The following MMP3 variants were observed in gnomAD, a reference collection of about 807,000 sequenced individuals.
The protein encoded by MMP3 is stromelysin-1.
MMP3 carries 46 observed loss-of-function variants against 47.3 expected under a neutral mutation model. The ratio of observed to expected loss-of-function variants is 0.97; its 90% CI spans 0.77 to 1.24. MMP3 has a LOEUF of 1.24. MMP3 is among the 50% of genes most tolerant of loss of function. The pLI is 0.00. For missense variants in MMP3, 558 were observed against 565.5 expected, an observed-to-expected ratio of 0.99 and a Z score of 0.13; for synonymous variants, 216 against 206.5, an observed-to-expected ratio of 1.05 and a Z score of -0.39.
In MMP3 at chr11:102,836,116, C is replaced by T. The variant is rs782693851; in HGVS notation, c.*10G>A. ...TAAAGTGCCCATATTGTGCCTTCTA[C>T]ATATCTCTTTCAACAATTAAGCCAG... is the stretch of plus-strand genomic sequence containing the variant. On this transcript the variant is annotated 3_prime_UTR_variant, in exon 10 of 10. Coordinates refer to ENST00000299855, the MANE Select transcript of MMP3 (RefSeq NM_002422.5). This position sits in a 1 kb window ranked among gnomAD's most constrained non-coding sequence, Gnocchi z 4.6. 1.2e-6 allele frequency: 2 copies of T among 1,602,706 alleles called. No homozygotes were observed. The highest frequency in any genetic ancestry group is 1.3e-5 in the African/African-American group (1 of 74,646).
Position 102,836,717 on chromosome 11 carries a change from A to G in MMP3, c.1334-491T>C. 1 of 338,808 alleles carries G rather than the reference A, an allele frequency of 3.0e-6. No individual in the cohort carries two copies. The allele number at this position is 338,808 out of a possible 1,614,324, so 21.0% of individuals were successfully genotyped here. A position where few individuals can be genotyped will look rare whatever the true frequency, so the allele number is the denominator to read the frequency against. Reference sequence around the variant, plus strand: ...ACCAGGGGACCCTTTAGTGCTCTGCAAACATGGTGATCAGGTTACCTTTCA... The same window carrying G: ...ACCAGGGGACCCTTTAGTGCTCTGCGAACATGGTGATCAGGTTACCTTTCA... On this transcript the variant is annotated intron_variant, in intron 9 of 9. Coordinates refer to ENST00000299855, the MANE Select transcript of MMP3 (RefSeq NM_002422.5). The surrounding 1 kb of genome is among the most constrained non-coding windows in gnomAD (Gnocchi z 4.6).
At chr11:102,839,357 G>A (rs1555005095) in intron 6 of MMP3, 114 bp from the exon 7 acceptor site, 1 of 1,225,306 alleles carries the variant, frequency 8.2e-7, no homozygotes, top group Non-Finnish European at 1.2e-6. Flanking sequence ...TTCTAGGCTG[G>A]ATGACAGATA....
chr11:102,843,452 T>G lies in MMP3; in HGVS notation c.95A>C (p.Asn32Thr), dbSNP rs1859047029. The change falls in exon 1 of 10, where the codon AAC becomes ACC. Residue 32 changes from asparagine (N) to threonine (T), a missense_variant. Physicochemically the swap from Asn to Thr is moderately conservative, Grantham distance 65. Coordinates refer to ENST00000299855, the MANE Select transcript of MMP3 (RefSeq NM_002422.5). The part of the protein sequence containing the change: ...GAARGEDTSM[N>T]LVQKYLENYY... ...GTTAGTGTTAATTACCTGAACAAGG[T>G]TCATGCTGGTGTCCTCACCCCTTGC... The G allele has an allele frequency of 6.2e-7, 1 of 1,613,014 alleles. No individual in the cohort carries two copies. The highest frequency in any genetic ancestry group is 1.1e-5 in the South Asian group (1 of 90,896).
chr11:102,838,679 C>G lies in MMP3; in HGVS notation c.1101G>C (p.Glu367Asp). The G allele has an allele frequency of 6.2e-7, 1 of 1,613,692 alleles. No homozygotes were observed. ...TGCCTCTTGGGTATCCAGCTCGTAC[C>G]TCATTTCCTCTGATAGCCCAGAATT... is the stretch of plus-strand genomic sequence containing the variant. The part of the protein sequence containing the change: ...GNQFWAIRGN[E>D]VRAGYPRGIH... The change falls in exon 8 of 10, where the codon GAG (glutamate) becomes GAC (aspartate). Residue 367 changes from glutamate to aspartate, a missense_variant. Transcript: ENST00000299855.
At position 102,837,212 on chromosome 11, in the gene MMP3, A is replaced by T; in HGVS notation, c.1333+86T>A. On this transcript the variant is annotated intron_variant, in intron 9 of 9. Coordinates refer to ENST00000299855, the MANE Select transcript of MMP3 (RefSeq NM_002422.5). This position sits in a 1 kb window ranked among gnomAD's most constrained non-coding sequence, Gnocchi z 4.4. ...GAACTGGCCCTAAGAAACACTTGTT[A>T]TTAAAAAGTTTCAATGCTCCTCTTC... 9.7e-7 allele frequency: 1 copy of T among 1,030,334 alleles called. No individual in the cohort carries two copies. The highest frequency in any genetic ancestry group is 1.5e-6 in the Non-Finnish European group (1 of 674,630). 63.8% of individuals were successfully genotyped at this position (1,030,334 alleles called of 1,614,324 possible).
chr11:102,837,510 C>T lies in MMP3; in HGVS notation c.1230-109G>A. 1.3e-6 allele frequency: 1 copy of T among 743,088 alleles called. No individual in the cohort carries two copies. The allele number at this position is 743,088 out of a possible 1,614,324, so 46.0% of individuals were successfully genotyped here. On this transcript the variant is annotated intron_variant, in intron 8 of 9. Coordinates refer to ENST00000299855, the MANE Select transcript of MMP3 (RefSeq NM_002422.5). The surrounding 1 kb of genome is among the most constrained non-coding windows in gnomAD (Gnocchi z 4.4). ...ATTTTACTAAACTTTATAAATACTG[C>T]AAATAAATGCCAAGCATATTTGGGA...
Position 102,838,862 on chromosome 11 carries a change from A to T in MMP3, c.1070-152T>A, listed in dbSNP as rs3025071. The T allele has an allele frequency of 6.5e-3, 6,744 of 1,035,538 alleles. 333 individuals carry two copies. The African/African-American group carries it at 0.098, about 15-fold the overall frequency. The allele number at this position is 1,035,538 out of a possible 1,614,324, so 64.1% of individuals were successfully genotyped here. ...CAGCTTACAGTGGGCTTTTCACAAAAATTTGCAGACTGAATGAATGAACTA... is the reference window on the plus strand; with the variant it reads ...CAGCTTACAGTGGGCTTTTCACAAATATTTGCAGACTGAATGAATGAACTA... On this transcript the variant is annotated intron_variant, in intron 7 of 9. Transcript: ENST00000299855.
At chr11:102,843,112 A>T (rs1555005884) in intron 1 of MMP3, among the ~76,000 whole-genome samples, 196 bp from the exon 2 acceptor site, 1 of 151,540 alleles carries the variant, frequency 6.6e-6, no homozygotes, top group African/African-American at 2.4e-5. Flanking sequence ...TTAAAAAAAA[A>T]ACTGAAGCTG....
intron 4 of MMP3, among the ~76,000 whole-genome samples, chr11:102,841,907 A>T (rs1555005483): frequency 6.6e-6 from 1 of 152,174 alleles, no homozygotes; most frequent in East Asian, 1.9e-4. Flanking sequence ...TTACCCCTAG[A>T]TCACAAAGAT....
chr11:102,843,125 C>A (rs1859040950), intron 1 of MMP3, among the ~76,000 whole-genome samples: 1 of 151,552 alleles, frequency 6.6e-6, no homozygotes, highest in Non-Finnish European at 1.5e-5. Flanking sequence ...TGAAGCTGTT[C>A]CAAAGCAAGA....
chr11:102,838,999 G>A (rs1418633664), intron 7 of MMP3, 111 bp downstream of exon 7: 28 of 1,140,884 alleles, frequency 2.5e-5, no homozygotes, highest in South Asian at 9.1e-5. Context: ...CTTCATTACC[G>A]TTGACTACTG....
chr11:102,842,404 CTTTTTTTTTTTTTTT>C lies in MMP3; in HGVS notation c.499+12_499+26del, dbSNP rs11418340. 4 of 813,334 alleles carry C rather than the reference CTTTTTTTTTTTTTTT, an allele frequency of 4.9e-6. No homozygotes were observed. In the South Asian group the frequency reaches 1.1e-4, roughly 23 times the overall value. 50.4% of individuals were successfully genotyped at this position (813,334 alleles called of 1,614,324 possible). A position where few individuals can be genotyped will look rare whatever the true frequency, so the allele number is the denominator to read the frequency against. The stretch of plus-strand genomic sequence containing the variant: ...GTGTTTTTTGTTTTGTTTTGTTTTG[CTTTTTTTTTTTTTTT>C]TTTTTTTTTACCTCTAACTGCAAAA... On this transcript the variant is annotated intron_variant, in intron 3 of 9. Coordinates refer to ENST00000299855, the MANE Select transcript of MMP3 (RefSeq NM_002422.5).
Position 102,836,536 on chromosome 11 carries a change from C to A in MMP3, c.1334-310G>T, listed in dbSNP as rs1555004592. 3.9e-6 allele frequency: 2 copies of A among 510,320 alleles called. No individual in the cohort carries two copies. Among genetic ancestry groups the A allele is most frequent in the Non-Finnish European group, 7.9e-6 (2 of 253,066 alleles). The allele number at this position is 510,320 out of a possible 1,614,324, so 31.6% of individuals were successfully genotyped here. On this transcript the variant is annotated intron_variant, in intron 9 of 9. Transcript: ENST00000299855. This position sits in a 1 kb window ranked among gnomAD's most constrained non-coding sequence, Gnocchi z 4.6. ...ACTCGGTGCCAGCTCTGTCTGAAAA[C>A]ACAGCCAGATTCCAGGTTACAGGGT...
At chr11:102,839,477 A>T (rs1416665129) in intron 6 of MMP3, among the ~76,000 whole-genome samples, 2 of 152,216 alleles carry the variant, frequency 1.3e-5, no homozygotes, top group African/African-American at 2.4e-5. Context: ...AAGAAAAATT[A>T]TTCTATCGTG....
chr11:102,842,396 TTG>T (rs2134402063), intron 3 of MMP3, 33 bp downstream of exon 3: 6 of 1,357,498 alleles, frequency 4.4e-6, no homozygotes, highest in East Asian at 3.1e-5. Flanking sequence ...TTGTTTTGTT[TTG>T]TTTTGCTTTT....
chr11:102,842,319 G>T, intron 3 of MMP3, 40 bp from the exon 4 acceptor site: 1 of 1,581,148 alleles, frequency 6.3e-7, no homozygotes, highest in Non-Finnish European at 8.6e-7. Context: ...ATGTAACAAG[G>T]ATCCCTTTTG....
intron 6 of MMP3, among the ~76,000 whole-genome samples, 194 bp downstream of exon 6, chr11:102,839,914 G>A (rs1858962371): frequency 6.6e-6 from 1 of 152,232 alleles, no homozygotes; most frequent in Non-Finnish European, 1.5e-5. Context: ...AACCAGATCA[G>A]CCTGTGCCTT....
At chr11:102,842,013 T>G (rs1366332036) in intron 4 of MMP3, 141 bp downstream of exon 4, 6 of 807,824 alleles carry the variant, frequency 7.4e-6, no homozygotes, top group Non-Finnish European at 1.0e-5. Context: ...CAATAATAAT[T>G]AAAACAAAAA....
rs373353289 is a variant in MMP3 at position 102,839,153 on chromosome 11, G to A, written c.1026C>T (p.Ala342=). ...GGTCCTTGCTAGTAACTTCATATGC[G>A]GCATCCACGCCTGAAGGAAGAGATG... ...FWPSLPSGVD[A]AYEVTSKDLV... is the part of the protein sequence containing the mutation. Residue 342 remains alanine (A), a synonymous_variant, in exon 7 of 10, where the codon GCC becomes GCT. Coordinates refer to ENST00000299855, the MANE Select transcript of MMP3 (RefSeq NM_002422.5). The A allele has an allele frequency of 4.2e-5, 68 of 1,613,978 alleles. No individual in the cohort carries two copies. Among genetic ancestry groups the A allele is most frequent in the African/African-American group, 1.9e-4 (14 of 74,996 alleles).
Sources: gnomAD v4.1 joint callset for allele counts (sites outside exome capture counted in the v4.1 genomes callset) on GRCh38, gnomAD v4.1.1 for gene constraint, Gnocchi (gnomAD v3.1) non-coding constraint, MANE v1.5 for transcripts, NCBI Gene and HGNC (gene_info 2026-07-23, HGNC 2026-07-21) for gene names.